ABLIM1: variants seen among roughly 807,000 people sequenced by gnomAD.
The protein encoded by ABLIM1 is actin binding LIM protein 1.
Under a neutral mutation model 107.0 loss-of-function variants are expected in ABLIM1, and 40 were observed. The observed-to-expected ratio is 0.37, with a 90% CI of 0.29 to 0.49. ABLIM1 has a LOEUF of 0.49. Among genes scored for constraint, ABLIM1 ranks in the 20% least tolerant of loss-of-function variants. ABLIM1 has a pLI of 0.97. For missense variants in ABLIM1, 857 were observed against 1,008.5 expected (o/e 0.85, Z 2.04); for synonymous variants, 357 against 357.3 (o/e 1.00, Z 0.01).
Position 114,453,497 on chromosome 10 carries a change from A to C in ABLIM1, c.1442-14T>G, listed in dbSNP as rs1456993820. 6.6e-7 allele frequency: 1 copy of C among 1,521,886 alleles called. No individual in the cohort carries two copies. The highest frequency in any genetic ancestry group is 8.8e-7 in the Non-Finnish European group (1 of 1,130,976). 94.3% of individuals were successfully genotyped at this position (1,521,886 alleles called of 1,614,324 possible). ...ACGGCTCATTGCCTCCAATGAGAAG[A>C]ATGGAAAAAACAAAATGAGAGAAGG... On this transcript the variant is annotated splice_polypyrimidine_tract_variant and intron_variant, in intron 12 of 22. Coordinates refer to ENST00000533213, the MANE Select transcript of ABLIM1 (RefSeq NM_002313.7).
chr10:114,708,976 C>G (rs1365629382), intron 1 of ABLIM1, among the ~76,000 whole-genome samples: 8 of 152,132 alleles, frequency 5.3e-5, no homozygotes, highest in Admixed American at 4.6e-4. Flanking sequence ...GGTATTGGTA[C>G]TTTTCGAGAA....
At chr10:114,768,558 G>C (rs1211835337), upstream of ABLIM1, among the ~76,000 whole-genome samples, 3 of 152,170 alleles carry the variant, frequency 2.0e-5, no homozygotes, top group East Asian at 5.8e-4. Flanking sequence ...TGACAGGAGA[G>C]CGAAGACCAC....
At chr10:114,658,311 G>A (rs1314102181), upstream of ABLIM1, 1 of 1,501,070 alleles carries the variant, frequency 6.7e-7, no homozygotes, top group Non-Finnish European at 8.9e-7. Flanking sequence ...TTTTCTCACT[G>A]CCCAGCAAAG....
At chr10:114,459,183 C>T (rs2063387325) in intron 12 of ABLIM1, among the ~76,000 whole-genome samples, 1 of 152,236 alleles carries the variant, frequency 6.6e-6, no homozygotes, top group Non-Finnish European at 1.5e-5. Flanking sequence ...CAAAGGGCGC[C>T]CCCTGCCTCT....
chr10:114,504,799 T>C (rs1030717710), intron 6 of ABLIM1, among the ~76,000 whole-genome samples: 1 of 152,180 alleles, frequency 6.6e-6, no homozygotes, highest in African/African-American at 2.4e-5. Context: ...CTATGTACTT[T>C]CTGAAAAATC....
At chr10:114,787,711 G>A in the ABLIM1 span, among the ~76,000 whole-genome samples, 8 of 132,754 alleles carry the variant, frequency 6.0e-5, no homozygotes, top group East Asian at 2.3e-4. Context: ...GAGGTGGGGG[G>A]GTCAGCCCCC....
At chr10:114,621,960 A>G (rs1369144313) in intron 1 of ABLIM1, among the ~76,000 whole-genome samples, 3 of 152,190 alleles carry the variant, frequency 2.0e-5, no homozygotes, top group Non-Finnish European at 2.9e-5. Context: ...ATCCTTCTTT[A>G]GTGCTCAGCA....
intron 6 of ABLIM1, among the ~76,000 whole-genome samples, chr10:114,539,173 C>T (rs1000980312): frequency 2.0e-5 from 3 of 152,184 alleles, no homozygotes; most frequent in South Asian, 2.1e-4. Flanking sequence ...GCCTGGCCAA[C>T]GTGGTGAAAC....
chr10:114,660,954 C>T (rs1485730438), upstream of ABLIM1, among the ~76,000 whole-genome samples: 3 of 152,136 alleles, frequency 2.0e-5, no homozygotes, highest in Admixed American at 6.5e-5. Context: ...TCAAGCATTG[C>T]CCACAAAAAC....
chr10:114,753,859 T>C (rs1566305974), intron 1 of ABLIM1, among the ~76,000 whole-genome samples: 2 of 152,120 alleles, frequency 1.3e-5, no homozygotes, highest in South Asian at 2.1e-4. Flanking sequence ...GTTTGTTTTG[T>C]TTTTTGAGAT....
intron 1 of ABLIM1, among the ~76,000 whole-genome samples, chr10:114,741,912 C>T (rs1398081282): frequency 6.6e-6 from 1 of 152,184 alleles, no homozygotes; most frequent in African/African-American, 2.4e-5. Flanking sequence ...GGTATATTCA[C>T]TCATTGGAAT....
chr10:114,491,026 G>GTGTGTGTGT (rs2058919541), intron 7 of ABLIM1, among the ~76,000 whole-genome samples: 2 of 70,280 alleles, frequency 2.8e-5, no homozygotes, highest in African/African-American at 1.2e-4. Flanking sequence ...ATATATATAT[G>GTGTGTGTGT]GTCTATTTTA....
At chr10:114,507,162 G>A (rs1352813563) in intron 6 of ABLIM1, among the ~76,000 whole-genome samples, 1 of 152,156 alleles carries the variant, frequency 6.6e-6, no homozygotes, top group Non-Finnish European at 1.5e-5. Context: ...AAACATCCTT[G>A]TCTGATTTCC....
chr10:114,657,052 T>G (rs35505004), intron 1 of ABLIM1, among the ~76,000 whole-genome samples: 1 of 152,082 alleles, frequency 6.6e-6, no homozygotes, highest in Non-Finnish European at 1.5e-5. Flanking sequence ...AATGGATGAA[T>G]TTTACAGCAT....
At chr10:114,701,141 T>C (rs2141842295) in intron 1 of ABLIM1, among the ~76,000 whole-genome samples, 1 of 152,276 alleles carries the variant, frequency 6.6e-6, no homozygotes, top group African/African-American at 2.4e-5. Flanking sequence ...CTTGAATAGA[T>C]ACTTCACAAG....
chr10:114,469,866 C>T (rs182331740), intron 10 of ABLIM1, among the ~76,000 whole-genome samples: 3 of 152,294 alleles, frequency 2.0e-5, no homozygotes, highest in East Asian at 3.9e-4. Flanking sequence ...CTATGGAGAA[C>T]ACAGCCAGGG....
intron 17 of ABLIM1, 67 bp from the exon 18 acceptor site, chr10:114,441,853 G>A (rs1486294929): frequency 2.1e-6 from 3 of 1,412,262 alleles, no homozygotes; most frequent in Non-Finnish European, 2.0e-6. Flanking sequence ...TAATGAAATT[G>A]GCAGTATCTT....
intron 1 of ABLIM1, among the ~76,000 whole-genome samples, chr10:114,706,086 C>A (rs181209809): frequency 2.8e-4 from 42 of 152,336 alleles, no homozygotes; most frequent in African/African-American, 9.9e-4. Flanking sequence ...TACAATCCTT[C>A]TTGATGACAA....
chr10:114,768,994 T>A (rs184132441), upstream of ABLIM1, among the ~76,000 whole-genome samples: 1 of 151,808 alleles, frequency 6.6e-6, no homozygotes, highest in African/African-American at 2.4e-5. Context: ...AAAGGTGGGA[T>A]TCCACTCTCA....
Sources: gnomAD v4.1 joint callset for allele counts (sites outside exome capture counted in the v4.1 genomes callset) on GRCh38, gnomAD v4.1.1 for gene constraint, MANE v1.5 for transcripts, NCBI Gene and HGNC (gene_info 2026-07-23, HGNC 2026-07-21) for gene names.